The following MUC5AC variants were observed in gnomAD, a reference collection of about 807,000 sequenced individuals.
The protein encoded by MUC5AC is mucin 5AC, oligomeric mucus/gel-forming, also known as mucin-5AC.
Under a neutral mutation model 169.7 loss-of-function variants are expected in MUC5AC, and 158 were observed. The ratio of observed to expected loss-of-function variants is 0.93; its 90% CI spans 0.82 to 1.06. The LOEUF (loss-of-function observed/expected upper bound fraction) is 1.06. Ranked by LOEUF, MUC5AC falls within the 50% of genes least tolerant of loss-of-function variation. The pLI, the probability that MUC5AC is intolerant of heterozygous loss-of-function variation, is 0.00. For synonymous variants in MUC5AC, 1,975 were observed against 1,237.0 expected (o/e 1.60, Z -12.52); for missense variants, 4,359 against 3,089.9 (o/e 1.41, Z -9.74).
Position 1,167,939 on chromosome 11 carries a change from C to T in MUC5AC, c.1449C>T (p.Ser483=), listed in dbSNP as rs749860582. Residue 483 remains serine (S), a synonymous_variant, in exon 12 of 49, where the codon AGC becomes AGT. Transcript: ENST00000621226. ...AELRRCGLTD[S]ETCLKSVTLS... ...TGCGCAGGTGCGGGCTGACGGACAG[C>T]GAGACCTGCCTGAAGAGCGTGACAC... 7.5e-5 allele frequency: 116 copies of T among 1,550,682 alleles called. 1 individual carries two copies. Among genetic ancestry groups the T allele is most frequent in the Non-Finnish European group, 9.8e-5 (113 of 1,147,350 alleles).
chr11:1,169,237 A>C, intron 15 of MUC5AC: 2 of 893,444 alleles, frequency 2.2e-6, no homozygotes, highest in Non-Finnish European at 2.7e-6. Context: ...TCAGGGTCAA[A>C]GAAAGGGTAC....
At chr11:1,173,320 T>C (rs1165546815) in intron 16 of MUC5AC, among the ~76,000 whole-genome samples, 8 of 91,166 alleles carry the variant, frequency 8.8e-5, no homozygotes, top group East Asian at 2.5e-4. Flanking sequence ...CACTCACTCA[T>C]CCACTCACTC....
chr11:1,183,987 T>A lies in MUC5AC; in HGVS notation c.5842T>A (p.Ser1948Thr), dbSNP rs1173632097. Reference sequence around the variant, plus strand: ...GCCCACCCCCACGGAGCCCAGCACATCCTCCTGCCTGCAGGAGCTTTGCAC... The same window carrying A: ...GCCCACCCCCACGGAGCCCAGCACAACCTCCTGCCTGCAGGAGCTTTGCAC... The part of the protein sequence containing the change: ...SKPTPTEPST[S>T]SCLQELCTWT... The change falls in exon 31 of 49, where the codon TCC becomes ACC. Residue 1948 changes from serine to threonine, a missense_variant. Ser to Thr is a moderately conservative substitution (Grantham distance 58, BLOSUM62 1). Coordinates refer to ENST00000621226, the MANE Select transcript of MUC5AC (RefSeq NM_001304359.2). 1 of 393,906 alleles carries A rather than the reference T, an allele frequency of 2.5e-6. No individual in the cohort carries two copies. Among genetic ancestry groups the A allele is most frequent in the Non-Finnish European group, 4.4e-6 (1 of 227,270 alleles). 24.4% of individuals were successfully genotyped at this position (393,906 alleles called of 1,614,324 possible). A position where few individuals can be genotyped will look rare whatever the true frequency, so the allele number is the denominator to read the frequency against.
rs1360338010 is a variant in MUC5AC, at chr11:1,162,052, C to A, written c.357C>A (p.Asn119Lys). 2 of 1,612,502 alleles carry A rather than the reference C, an allele frequency of 1.2e-6. No individual in the cohort carries two copies. The highest frequency in any genetic ancestry group is 1.7e-6 in the Non-Finnish European group (2 of 1,179,768). The change falls in exon 4 of 49, where the codon AAC (asparagine) becomes AAA (lysine). Residue 119 changes from asparagine to lysine, a missense_variant. Coordinates refer to ENST00000621226, the MANE Select transcript of MUC5AC (RefSeq NM_001304359.2). Reference protein sequence around the residue: ...EHCGAAYEDFNIQLRRSQESA... With the variant: ...EHCGAAYEDFKIQLRRSQESA... ...GCGGTGCCGCCTACGAGGATTTTAA[C>A]ATCCAGCTACGCCGCAGCCAGGAGT...
At chr11:1,171,125 C>A (rs1860507907) in intron 15 of MUC5AC, among the ~76,000 whole-genome samples, 2 of 148,624 alleles carry the variant, frequency 1.3e-5, no homozygotes, top group African/African-American at 5.0e-5. Flanking sequence ...TTCGCCCACT[C>A]ATTCACCTCA....
At position 1,164,333 on chromosome 11, in the gene MUC5AC, C is replaced by G. The variant is rs575420003; in HGVS notation, c.1003+14C>G. 1 of 1,611,608 alleles carries G rather than the reference C, an allele frequency of 6.2e-7. No individual in the cohort carries two copies. The highest frequency in any genetic ancestry group is 1.1e-5 in the South Asian group (1 of 91,068). Reference sequence around the variant, plus strand: ...CTGACTTCTGCCGTGAGTGTCCCAGCCCCCTGTCCCCCAACCCCTTTGGCA... The same window carrying G: ...CTGACTTCTGCCGTGAGTGTCCCAGGCCCCTGTCCCCCAACCCCTTTGGCA... On this transcript the variant is annotated intron_variant, in intron 8 of 48. Coordinates refer to ENST00000621226, the MANE Select transcript of MUC5AC (RefSeq NM_001304359.2).
rs1861039987 is a variant in MUC5AC at position 1,189,653 on chromosome 11, A to T, written c.11508A>T (p.Thr3836=). 1.6e-6 allele frequency: 1 copy of T among 626,896 alleles called. No individual in the cohort carries two copies. The highest frequency in any genetic ancestry group is 2.7e-5 in the East Asian group (1 of 36,696). 38.8% of individuals were successfully genotyped at this position (626,896 alleles called of 1,614,324 possible). Residue 3836 remains threonine (T), a synonymous_variant, in exon 31 of 49, where the codon ACA becomes ACT. Transcript: ENST00000621226. ...CAACTAGCACAACCTCAGCTCCTACAACCAGCACAACTTCTGCCCCTACAA... is the reference window on the plus strand; with the variant it reads ...CAACTAGCACAACCTCAGCTCCTACTACCAGCACAACTTCTGCCCCTACAA... The part of the protein sequence containing the change: ...SPTTSTTSAP[T]TSTTSAPTTS...
Position 1,167,909 on chromosome 11 carries a change from T to C in MUC5AC, c.1419T>C (p.Ala473=), listed in dbSNP as rs1361506674. 6.4e-7 allele frequency: 1 copy of C among 1,550,560 alleles called. No homozygotes were observed. The highest frequency in any genetic ancestry group is 1.4e-5 in the African/African-American group (1 of 73,182). The change falls in exon 12 of 49, where the codon GCT becomes GCC. Residue 473 remains alanine, a synonymous_variant. Transcript: ENST00000621226. The stretch of plus-strand genomic sequence containing the variant: ...ACAGCAGTGCCTTCACTGTACTGGC[T>C]GAGCTGCGCAGGTGCGGGCTGACGG... ...PCDSSAFTVL[A]ELRRCGLTDS... is the part of the protein sequence containing the mutation.
Position 1,181,277 on chromosome 11 carries a change from T to A in MUC5AC, c.3827T>A (p.Val1276Asp), listed in dbSNP as rs1022658308. The part of the protein sequence containing the change: ...VECTYKAEAC[V>D]CTYNGQRFHP... ...GGGCCCTCCGTCCCCATAGCCTGTG[T>A]CTGCACCTACAATGGACAGCGCTTC... The change falls in exon 30 of 49, where the codon GTC (valine) becomes GAC (aspartate). Residue 1276 changes from valine to aspartate, a missense_variant. Physicochemically the swap from Val to Asp is radical, Grantham distance 152. Transcript: ENST00000621226. The A allele has an allele frequency of 2.4e-4, 97 of 398,182 alleles. No individual in the cohort carries two copies. Among genetic ancestry groups the A allele is most frequent in the Admixed American group, 1.3e-4 (3 of 22,702 alleles). 24.7% of individuals were successfully genotyped at this position (398,182 alleles called of 1,614,324 possible). A position where few individuals can be genotyped will look rare whatever the true frequency, so the allele number is the denominator to read the frequency against.
At chr11:1,159,337 C>T (rs1011230394) in intron 1 of MUC5AC, among the ~76,000 whole-genome samples, 7 of 152,072 alleles carry the variant, frequency 4.6e-5, no homozygotes, top group African/African-American at 1.7e-4. Flanking sequence ...CCGGGCGCCC[C>T]TCCCACCATG....
At position 1,161,542 on chromosome 11, in the gene MUC5AC, G is replaced by A; in HGVS notation, c.167G>A (p.Gly56Glu). The A allele has an allele frequency of 6.2e-7, 1 of 1,608,714 alleles. No individual in the cohort carries two copies. The highest frequency in any genetic ancestry group is 8.5e-7 in the Non-Finnish European group (1 of 1,177,436). The change falls in exon 3 of 49, where the codon GGG becomes GAG. Residue 56 changes from glycine to glutamate, a missense_variant. Gly to Glu is a moderately conservative substitution (Grantham distance 98, BLOSUM62 -2). Coordinates refer to ENST00000621226, the MANE Select transcript of MUC5AC (RefSeq NM_001304359.2). Reference sequence around the variant, plus strand: ...GTCTCCGCAGGGGTCCCGCTCCGTGGGGCGACTGTCTTCCCATCTCTGAGG... The same window carrying A: ...GTCTCCGCAGGGGTCCCGCTCCGTGAGGCGACTGTCTTCCCATCTCTGAGG... ...ARGPSGVPLRGATVFPSLRTI... is the reference protein window; with the variant it reads ...ARGPSGVPLREATVFPSLRTI...
Position 1,195,046 on chromosome 11 carries a change from C to T in MUC5AC, c.15225C>T (p.Arg5075=), listed in dbSNP as rs373196265. 597 of 750,610 alleles carry T rather than the reference C, an allele frequency of 8.0e-4. 3 individuals carry two copies. The highest frequency in any genetic ancestry group is 1.6e-3 in the Admixed American group (90 of 57,024). 46.5% of individuals were successfully genotyped at this position (750,610 alleles called of 1,614,324 possible). ...TCTNDRKDEC[R]TPRGTVVASC... is the part of the protein sequence containing the mutation. ...CCAACGACAGGAAGGATGAGTGCCG[C>T]ACGCCTAGGGGGACGGTGGTCGCTT... The change falls in exon 36 of 49, where the codon CGC becomes CGT. Residue 5075 remains arginine (R), a synonymous_variant. Coordinates refer to ENST00000621226, the MANE Select transcript of MUC5AC (RefSeq NM_001304359.2).
intron 37 of MUC5AC, among the ~76,000 whole-genome samples, 153 bp downstream of exon 37, chr11:1,196,207 A>G (rs2133775318): frequency 6.6e-6 from 1 of 152,250 alleles, no homozygotes; most frequent in East Asian, 1.9e-4. Context: ...CCCTGGAGAG[A>G]AGGGAGGGCG....
Position 1,188,045 on chromosome 11 carries a change from C to T in MUC5AC, c.9900C>T (p.Asn3300=). 1.2e-5 allele frequency: 9 copies of T among 754,602 alleles called. No individual in the cohort carries two copies. The highest frequency in any genetic ancestry group is 2.7e-5 in the South Asian group (2 of 73,042). 46.7% of individuals were successfully genotyped at this position (754,602 alleles called of 1,614,324 possible). The change falls in exon 31 of 49, where the codon AAC becomes AAT. Residue 3300 remains asparagine, a synonymous_variant. Transcript: ENST00000621226. ...CSREEGLVCR[N]QDQQGPFKMC... ...GTGAAGAGGGCCTGGTGTGCCGGAACCAGGACCAGCAGGGACCCTTCAAGA... is the reference window on the plus strand; with the variant it reads ...GTGAAGAGGGCCTGGTGTGCCGGAATCAGGACCAGCAGGGACCCTTCAAGA...
At chr11:1,173,197 C>A (rs1282730204) in intron 16 of MUC5AC, among the ~76,000 whole-genome samples, 2 of 151,844 alleles carry the variant, frequency 1.3e-5, no homozygotes, top group African/African-American at 4.8e-5. Context: ...CACTCATCCG[C>A]TCACTCATTT....
rs771772602 is a variant in MUC5AC, at chr11:1,199,989, G to T, written c.16700+20G>T. 1.3e-6 allele frequency: 1 copy of T among 742,246 alleles called. No individual in the cohort carries two copies. Among genetic ancestry groups the T allele is most frequent in the Non-Finnish European group, 2.5e-6 (1 of 407,270 alleles). 46.0% of individuals were successfully genotyped at this position (742,246 alleles called of 1,614,324 possible). Reference sequence around the variant, plus strand: ...TTCCATGTACGTGCCTGGGCAGCAGGCAGGGAGACGCGATTGGCTGTGGGG... The same window carrying T: ...TTCCATGTACGTGCCTGGGCAGCAGTCAGGGAGACGCGATTGGCTGTGGGG... On this transcript the variant is annotated intron_variant, in intron 48 of 48. Transcript: ENST00000621226.
Position 1,186,922 on chromosome 11 carries a change from C to CCACTCCACAG in MUC5AC, c.8777_8778insCACTCCACAG (p.Ala2927ThrfsTer246), listed in dbSNP as rs1860964741. 1 of 723,914 alleles carries CCACTCCACAG rather than the reference C, an allele frequency of 1.4e-6. No homozygotes were observed. Among genetic ancestry groups the CCACTCCACAG allele is most frequent in the African/African-American group, 1.7e-5 (1 of 57,704 alleles). The allele number at this position is 723,914 out of a possible 1,614,324, so 44.8% of individuals were successfully genotyped here. Reference sequence around the variant, plus strand: ...TCTGCCCCTACAAGCAGCACAACCTCAGCTACTACAACCAGCACAATCTCT... The same window carrying CCACTCCACAG: ...TCTGCCCCTACAAGCAGCACAACCTCCACTCCACAGAGCTACTACAACCAGCACAATCTCT... On this transcript the variant is annotated frameshift_variant, in exon 31 of 49. Transcript: ENST00000621226. LOFTEE classifies it high-confidence loss of function.
At position 1,192,968 on chromosome 11, in the gene MUC5AC, G is replaced by A. The variant is rs1255742603; in HGVS notation, c.14566G>A (p.Val4856Ile). 3 of 721,016 alleles carry A rather than the reference G, an allele frequency of 4.2e-6. No individual in the cohort carries two copies. Among genetic ancestry groups the A allele is most frequent in the Admixed American group, 1.9e-5 (1 of 53,320 alleles). 44.7% of individuals were successfully genotyped at this position (721,016 alleles called of 1,614,324 possible). ...PVTELGCPNA[V>I]PPRKKGETWA... ...CACTGAGCTGGGATGCCCAAATGCG[G>A]TTCCCCCCAGAAAGGTAACCCCCTA... Residue 4856 changes from valine (V) to isoleucine (I), a missense_variant, in exon 32 of 49, where the codon GTT becomes ATT. Physicochemically the swap from Val to Ile is conservative, Grantham distance 29. Transcript: ENST00000621226.
rs775119997 is a variant in MUC5AC at position 1,200,509 on chromosome 11, A to G, written c.16772A>G (p.Asn5591Ser). Residue 5591 changes from asparagine (N) to serine (S), a missense_variant, in exon 49 of 49, where the codon AAT becomes AGT. By Grantham distance (46) the Asn-to-Ser change is conservative (BLOSUM62 1). Transcript: ENST00000621226. ...CAGGAGCTGCGGACCTCGCTGAGGA[A>G]TGTGACCCTGCACTGCACCGACGGC... ...CCQELRTSLR[N>S]VTLHCTDGSS... The G allele has an allele frequency of 1.3e-6, 1 of 756,412 alleles. No individual in the cohort carries two copies. The highest frequency in any genetic ancestry group is 2.5e-5 in the East Asian group (1 of 40,668). 46.9% of individuals were successfully genotyped at this position (756,412 alleles called of 1,614,324 possible). A position where few individuals can be genotyped will look rare whatever the true frequency, so the allele number is the denominator to read the frequency against.
Sources: gnomAD v4.1 joint callset for allele counts (sites outside exome capture counted in the v4.1 genomes callset) on GRCh38, gnomAD v4.1.1 for gene constraint, MANE v1.5 for transcripts, NCBI Gene and HGNC (gene_info 2026-07-23, HGNC 2026-07-21) for gene names.